GMPR: variants seen among roughly 807,000 people sequenced by gnomAD.
GMPR encodes GMP reductase 1.
In GMPR, 31 loss-of-function variants were observed where a neutral mutation model predicts 38.4. The observed-to-expected ratio is 0.81, with a 90% CI of 0.61 to 1.09. GMPR has a LOEUF of 1.09. Ranked by LOEUF, GMPR falls within the 50% of genes least tolerant of loss-of-function variation. The pLI, the probability that GMPR is intolerant of heterozygous loss-of-function variation, is 0.00. For synonymous variants in GMPR, 162 were observed against 173.3 expected (o/e 0.93, Z 0.51); for missense variants, 468 against 453.7 (o/e 1.03, Z -0.29).
chr6:16,284,066 G>C (rs1399834776), intron 6 of GMPR, among the ~76,000 whole-genome samples: 1 of 152,226 alleles, frequency 6.6e-6, no homozygotes, highest in Non-Finnish European at 1.5e-5. Flanking sequence ...CATACGGCAA[G>C]ACCACCTCTG....
intron 4 of GMPR, among the ~76,000 whole-genome samples, chr6:16,270,698 T>C (rs1286440560): frequency 2.0e-5 from 3 of 152,224 alleles, no homozygotes; most frequent in Non-Finnish European, 4.4e-5. Context: ...TCCCCCGTCC[T>C]CCTGGAAGCA....
rs117958539 is a variant in GMPR, at chr6:16,285,671, C to G, written c.655-122C>G. 5.0e-4 allele frequency: 376 copies of G among 759,560 alleles called. 4 individuals are homozygous for G. The East Asian group carries it at 8.5e-3, about 17-fold the overall frequency. The allele number at this position is 759,560 out of a possible 1,614,324, so 47.1% of individuals were successfully genotyped here. A position where few individuals can be genotyped will look rare whatever the true frequency, so the allele number is the denominator to read the frequency against. ...CAGCCGTGGTAGGGGAACTTGGGCC[C>G]GTGGGCTTGCTGGGGGCTGTGGTGG... On this transcript the variant is annotated intron_variant, in intron 6 of 8. Coordinates refer to ENST00000259727, the MANE Select transcript of GMPR (RefSeq NM_006877.4).
chr6:16,277,670 A>T (rs763899094), intron 5 of GMPR, among the ~76,000 whole-genome samples: 1 of 152,228 alleles, frequency 6.6e-6, no homozygotes, highest in Non-Finnish European at 1.5e-5. Context: ...CCAGTACAGA[A>T]GACAGACCCT....
chr6:16,264,758 AG>A (rs1759158072), intron 4 of GMPR, among the ~76,000 whole-genome samples: 1 of 152,202 alleles, frequency 6.6e-6, no homozygotes, highest in African/African-American at 2.4e-5. Flanking sequence ...CAATGTCATC[AG>A]TTAAGGCAGG....
intron 4 of GMPR, among the ~76,000 whole-genome samples, chr6:16,257,320 TC>T (rs962484663): frequency 1.3e-5 from 2 of 152,174 alleles, no homozygotes; most frequent in Admixed American, 6.5e-5. Context: ...ATCAGGCTGT[TC>T]ATCTGTATCC....
At chr6:16,267,179 C>T (rs1042574056) in intron 4 of GMPR, among the ~76,000 whole-genome samples, 4 of 152,012 alleles carry the variant, frequency 2.6e-5, no homozygotes, top group African/African-American at 7.2e-5. Flanking sequence ...CTGGCTAACA[C>T]GGTGAAACCC....
Position 16,254,641 on chromosome 6 carries a change from A to C in GMPR, c.371A>C (p.Lys124Thr). 6.2e-7 allele frequency: 1 copy of C among 1,613,642 alleles called. No individual in the cohort carries two copies. The highest frequency in any genetic ancestry group is 8.5e-7 in the Non-Finnish European group (1 of 1,179,492). Reference protein sequence around the residue: ...TSILEAVPQVKFICLDVANGY... With the variant: ...TSILEAVPQVTFICLDVANGY... ...ATCCTGGAAGCTGTGCCACAGGTTA[A>C]GTTTATTTGCCTGGATGTGGCCAAT... Residue 124 changes from lysine (K) to threonine (T), a missense_variant, in exon 4 of 9, where the codon AAG (lysine) becomes ACG (threonine). By Grantham distance (78) the Lys-to-Thr change is moderately conservative (BLOSUM62 -1). Coordinates refer to ENST00000259727, the MANE Select transcript of GMPR (RefSeq NM_006877.4).
At chr6:16,288,477 T>G (rs1018362244) in intron 7 of GMPR, among the ~76,000 whole-genome samples, 5 of 152,210 alleles carry the variant, frequency 3.3e-5, no homozygotes, top group Non-Finnish European at 1.5e-5. Context: ...TGGCTGGGCC[T>G]TAGCTGCCTC....
At chr6:16,293,143 A>G (rs1759871556) in intron 8 of GMPR, among the ~76,000 whole-genome samples, 4 of 152,088 alleles carry the variant, frequency 2.6e-5, no homozygotes, top group Admixed American at 2.6e-4. Flanking sequence ...TTTCCCAATC[A>G]TTATTTCATT....
intron 1 of GMPR, among the ~76,000 whole-genome samples, chr6:16,245,987 A>AT (rs1282751500): frequency 6.6e-6 from 1 of 152,228 alleles, no homozygotes; most frequent in Non-Finnish European, 1.5e-5. Context: ...CCATTGGCCC[A>AT]TCCCAGCCAG....
At chr6:16,281,797 C>T (rs1167393350) in intron 6 of GMPR, among the ~76,000 whole-genome samples, 1 of 152,204 alleles carries the variant, frequency 6.6e-6, no homozygotes, top group African/African-American at 2.4e-5. Context: ...CGTAAGCCAC[C>T]GTGCCCGGCC....
intron 4 of GMPR, among the ~76,000 whole-genome samples, chr6:16,269,084 C>A (rs1261272879): frequency 6.6e-6 from 1 of 151,456 alleles, no homozygotes; most frequent in Non-Finnish European, 1.5e-5. Context: ...ACCACAATTA[C>A]AAAAAAACTA....
intron 4 of GMPR, among the ~76,000 whole-genome samples, chr6:16,265,319 CTT>C (rs949882494): frequency 6.6e-6 from 1 of 152,162 alleles, no homozygotes; most frequent in African/African-American, 2.4e-5. Flanking sequence ...TGATGTAAAA[CTT>C]AGTCCTAGAG....
intron 8 of GMPR, among the ~76,000 whole-genome samples, chr6:16,293,362 G>A (rs970643165): frequency 1.3e-5 from 2 of 152,212 alleles, no homozygotes; most frequent in East Asian, 1.9e-4. Context: ...GTGTACAGAC[G>A]CCTGTCTGGG....
chr6:16,289,847 A>ATTTTTTTTTTTTTTTTTTTTTTTTT (rs1438743321), intron 7 of GMPR: 1 of 90,124 alleles, frequency 1.1e-5, no homozygotes, highest in Non-Finnish European at 2.1e-5. Context: ...GATACTGCCC[A>ATTTTTTTTTTTTTTTTTTTTTTTTT]ATTTTTTTTT....
At chr6:16,277,550 C>A (rs1240942875) in intron 5 of GMPR, among the ~76,000 whole-genome samples, 3 of 152,188 alleles carry the variant, frequency 2.0e-5, no homozygotes, top group Admixed American at 2.0e-4. Flanking sequence ...GTGACTCATT[C>A]ATTCTTGAGT....
intron 3 of GMPR, among the ~76,000 whole-genome samples, chr6:16,250,732 G>A (rs986956037): frequency 6.6e-6 from 1 of 152,112 alleles, no homozygotes; most frequent in African/African-American, 2.4e-5. Flanking sequence ...TTCCCACCAG[G>A]ATGGCTGTCA....
chr6:16,278,822 T>C lies in GMPR; in HGVS notation c.586T>C (p.Tyr196His). The change falls in exon 6 of 9, where the codon TAC (tyrosine) becomes CAC (histidine). Residue 196 changes from tyrosine to histidine, a missense_variant. Coordinates refer to ENST00000259727, the MANE Select transcript of GMPR (RefSeq NM_006877.4). Reference sequence around the variant, plus strand: ...CACCCGCACCAAGACGGGAGTGGGGTACCCCCAGCTGAGTGCCGTCATTGA... The same window carrying C: ...CACCCGCACCAAGACGGGAGTGGGGCACCCCCAGCTGAGTGCCGTCATTGA... ...CTTRTKTGVG[Y>H]PQLSAVIECA... is the part of the protein sequence containing the mutation. 6.2e-7 allele frequency: 1 copy of C among 1,614,028 alleles called. No homozygotes were observed. The highest frequency in any genetic ancestry group is 8.5e-7 in the Non-Finnish European group (1 of 1,179,884).
intron 3 of GMPR, among the ~76,000 whole-genome samples, chr6:16,251,235 G>A (rs1031540030): frequency 3.9e-5 from 6 of 152,202 alleles, no homozygotes; most frequent in Non-Finnish European, 7.3e-5. Context: ...TCTGATACAG[G>A]CTACAGCATG....
Sources: gnomAD v4.1 joint callset for allele counts (sites outside exome capture counted in the v4.1 genomes callset) on GRCh38, gnomAD v4.1.1 for gene constraint, MANE v1.5 for transcripts, NCBI Gene and HGNC (gene_info 2026-07-23, HGNC 2026-07-21) for gene names.